Variants in AGBL1 observed in about 807,000 individuals in gnomAD.
AGBL1 encodes the protein AGBL carboxypeptidase 1, also known as cytosolic carboxypeptidase 4.
Under a neutral mutation model 118.9 loss-of-function variants are expected in AGBL1, and 130 were observed. The observed-to-expected ratio is 1.09, with a 90% CI of 0.95 to 1.26. The LOEUF is 1.26. Ranked by LOEUF, AGBL1 falls within the 50% of genes most tolerant of loss-of-function variation. The pLI is 0.00. For missense variants in AGBL1, 1,584 were observed against 1,298.1 expected (o/e 1.22, Z -3.38); for synonymous variants, 555 against 478.9 (o/e 1.16, Z -2.08).
At chr15:86,801,528 T>C (rs1324807534) in intron 22 of AGBL1, among the ~76,000 whole-genome samples, 1 of 152,104 alleles carries the variant, frequency 6.6e-6, no homozygotes, top group Non-Finnish European at 1.5e-5. Context: ...GTTTGTGGGA[T>C]ATTACCTACT....
chr15:86,343,266 G>T (rs936540580), intron 17 of AGBL1, among the ~76,000 whole-genome samples: 1 of 152,158 alleles, frequency 6.6e-6, no homozygotes, highest in Non-Finnish European at 1.5e-5. Flanking sequence ...AAGGGAGGAA[G>T]AGTGACAGCA....
chr15:86,545,606 C>T (rs2083569021), intron 19 of AGBL1, among the ~76,000 whole-genome samples: 1 of 152,046 alleles, frequency 6.6e-6, no homozygotes, highest in Non-Finnish European at 1.5e-5. Context: ...TCTGTGTGTC[C>T]ATGTGTTCTC....
chr15:86,920,382 ACT>A (rs1264029760), downstream of AGBL1, among the ~76,000 whole-genome samples: 1 of 151,134 alleles, frequency 6.6e-6, no homozygotes, highest in Non-Finnish European at 1.5e-5. Flanking sequence ...AGCCAGAAAA[ACT>A]CTCTTCTTTT....
At chr15:86,155,041 T>A (rs1165021661) in intron 4 of AGBL1, among the ~76,000 whole-genome samples, 7 of 152,196 alleles carry the variant, frequency 4.6e-5, no homozygotes, top group African/African-American at 1.7e-4. Flanking sequence ...AACAGGGTCC[T>A]CCAGGTAATT....
At chr15:86,948,705 G>T (rs937426769) in intron 23 of AGBL1, among the ~76,000 whole-genome samples, 1 of 152,214 alleles carries the variant, frequency 6.6e-6, no homozygotes, top group African/African-American at 2.4e-5. Flanking sequence ...AGATGTCTTA[G>T]CTAGTATCCC....
At chr15:86,893,202 A>T (rs1013115346) in intron 22 of AGBL1, among the ~76,000 whole-genome samples, 1 of 152,166 alleles carries the variant, frequency 6.6e-6, no homozygotes, top group African/African-American at 2.4e-5. Flanking sequence ...GGTGACAGGT[A>T]GCTGGGAGAG....
Position 86,554,494 on chromosome 15 carries a change from C to G in AGBL1, c.2951C>G (p.Thr984Ser). Reference protein sequence around the residue: ...WREMGVSRSYTMESSYCGCNQ... With the variant: ...WREMGVSRSYSMESSYCGCNQ... ...GAGATGGGGGTGTCCAGAAGCTACA[C>G]CATGGAAAGCAGCTACTGTGGCTGC... The change falls in exon 21 of 23, where the codon ACC becomes AGC. Residue 984 changes from threonine to serine, a missense_variant. By Grantham distance (58) the Thr-to-Ser change is moderately conservative. Transcript: ENST00000614907. 1 of 1,572,420 alleles carries G rather than the reference C, an allele frequency of 6.4e-7. No individual in the cohort carries two copies.
At chr15:86,967,401 C>T (rs1286616128) in intron 23 of AGBL1, among the ~76,000 whole-genome samples, 1 of 152,068 alleles carries the variant, frequency 6.6e-6, no homozygotes, top group Non-Finnish European at 1.5e-5. Flanking sequence ...AGTCCTTGCC[C>T]ATGCCTATGT....
At chr15:86,760,822 T>C (rs963638939) in intron 22 of AGBL1, among the ~76,000 whole-genome samples, 9 of 152,068 alleles carry the variant, frequency 5.9e-5, no homozygotes, top group Non-Finnish European at 1.2e-4. Flanking sequence ...TGTGTCTTCC[T>C]AAACTGCCCT....
At chr15:86,129,673 G>A (rs546342922) in intron 1 of AGBL1, among the ~76,000 whole-genome samples, 1 of 152,290 alleles carries the variant, frequency 6.6e-6, no homozygotes, top group Non-Finnish European at 1.5e-5. Context: ...CTAGCGGGTA[G>A]AGACCAGGAA....
intron 22 of AGBL1, among the ~76,000 whole-genome samples, chr15:86,722,394 C>A (rs1014395638): frequency 6.6e-6 from 1 of 152,162 alleles, no homozygotes; most frequent in Non-Finnish European, 1.5e-5. Flanking sequence ...CTGAGAAAAA[C>A]AAGCAATGGG....
chr15:86,657,045 G>C (rs888081470), intron 21 of AGBL1, among the ~76,000 whole-genome samples: 2 of 152,046 alleles, frequency 1.3e-5, no homozygotes, highest in African/African-American at 2.4e-5. Flanking sequence ...TTCTTTTTAA[G>C]ATCATTAGGT....
rs1038147439 is a variant in AGBL1, at chr15:86,765,587, A to T, written c.3158+91151A>T. 2.0e-5 allele frequency among the ~76,000 whole-genome samples: 3 copies of T among 151,992 alleles called. No individual in the cohort carries two copies. In the East Asian group the frequency reaches 5.8e-4, roughly 29 times the overall value. On this transcript the variant is annotated intron_variant, in intron 22 of 22. Coordinates refer to ENST00000614907, the MANE Select transcript of AGBL1 (RefSeq NM_001386094.1). ...CCACATGGTAGGGACAGCATTTACG[A>T]TTCCCTGGAGCTTTAAGGGGGAGAG...
intron 1 of AGBL1, among the ~76,000 whole-genome samples, chr15:86,097,323 C>A (rs1485373590): frequency 1.3e-5 from 2 of 152,140 alleles, no homozygotes. Flanking sequence ...GAGAACATTT[C>A]AGGTTCTCTC....
intron 18 of AGBL1, among the ~76,000 whole-genome samples, chr15:86,503,331 T>C (rs896391141): frequency 5.3e-5 from 8 of 151,332 alleles, no homozygotes; most frequent in African/African-American, 1.7e-4. Flanking sequence ...TTTTCTTCCT[T>C]TTTTTCCTTG....
At chr15:86,207,798 C>T (rs943793473) in intron 5 of AGBL1, among the ~76,000 whole-genome samples, 8 of 152,112 alleles carry the variant, frequency 5.3e-5, no homozygotes, top group Non-Finnish European at 8.8e-5. Flanking sequence ...ATTGAATACC[C>T]TTTATTTCTT....
intron 21 of AGBL1, 116 bp from the exon 22 acceptor site, chr15:86,674,157 T>G (rs2085794342): frequency 1.0e-6 from 1 of 983,972 alleles, no homozygotes; most frequent in African/African-American, 1.6e-5. Flanking sequence ...CAAATACAAT[T>G]AATTCTCACT....
chr15:86,543,935 G>A (rs1283108503), intron 19 of AGBL1, among the ~76,000 whole-genome samples: 1 of 152,146 alleles, frequency 6.6e-6, no homozygotes, highest in African/African-American at 2.4e-5. Flanking sequence ...ATAAGGAGAA[G>A]GCATACACAG....
intron 21 of AGBL1, among the ~76,000 whole-genome samples, chr15:86,645,386 G>A (rs1465073607): frequency 6.6e-6 from 1 of 152,192 alleles, no homozygotes; most frequent in Non-Finnish European, 1.5e-5. Context: ...TGTGGGGGCT[G>A]AAATATTTTA....
Sources: allele counts gnomAD v4.1 joint callset (sites outside exome capture counted in the v4.1 genomes callset), GRCh38; gene constraint gnomAD v4.1.1; transcripts MANE v1.5; gene names NCBI Gene and HGNC (gene_info 2026-07-23, HGNC 2026-07-21).